The following PRKG1 variants were observed in gnomAD, a reference collection of about 807,000 sequenced individuals.
PRKG1 encodes cGMP-dependent protein kinase 1.
Under a neutral mutation model 88.1 loss-of-function variants are expected in PRKG1, and 35 were observed. The observed-to-expected ratio is 0.40, with a 90% CI of 0.30 to 0.53. The LOEUF is 0.53. PRKG1 is among the 20% of genes least tolerant of loss of function. The pLI is 0.59. For missense variants in PRKG1, 540 were observed against 839.8 expected (o/e 0.64, Z 4.41); for synonymous variants, 303 against 292.5 (o/e 1.04, Z -0.37).
chr10:52,151,655 A>G (rs1301197809), intron 8 of PRKG1, among the ~76,000 whole-genome samples: 2 of 152,204 alleles, frequency 1.3e-5, no homozygotes, highest in Non-Finnish European at 2.9e-5. Flanking sequence ...TCCAGCCACA[A>G]AAAGTATGTC....
chr10:52,205,952 T>C (rs1839809623), intron 9 of PRKG1, among the ~76,000 whole-genome samples: 1 of 152,206 alleles, frequency 6.6e-6, no homozygotes, highest in Admixed American at 6.5e-5. Flanking sequence ...TGAATTTGAA[T>C]GTTGACCTCT....
At chr10:51,685,365 A>G (rs1047068956) in intron 3 of PRKG1, among the ~76,000 whole-genome samples, 2 of 152,208 alleles carry the variant, frequency 1.3e-5, no homozygotes, top group African/African-American at 2.4e-5. Flanking sequence ...TAGGTTCTCA[A>G]TACATGCTGT....
intron 4 of PRKG1, among the ~76,000 whole-genome samples, chr10:51,866,656 T>C (rs1841021773): frequency 6.6e-6 from 1 of 152,168 alleles, no homozygotes; most frequent in East Asian, 1.9e-4. Flanking sequence ...TACACTAATT[T>C]AAAACATCTT....
chr10:51,773,006 T>C (rs1838344520), intron 3 of PRKG1, among the ~76,000 whole-genome samples: 1 of 152,058 alleles, frequency 6.6e-6, no homozygotes, highest in Non-Finnish European at 1.5e-5. Context: ...TAGTAAAAAT[T>C]ATCTTTTCAA....
chr10:51,063,930 A>G (rs1843720374), intron 1 of PRKG1, among the ~76,000 whole-genome samples: 1 of 152,114 alleles, frequency 6.6e-6, no homozygotes, highest in Non-Finnish European at 1.5e-5. Flanking sequence ...AATTTGAAGA[A>G]TGTACTGTTT....
At chr10:52,272,618 C>A in intron 12 of PRKG1, 137 bp downstream of exon 12, 1 of 684,150 alleles carries the variant, frequency 1.5e-6, no homozygotes, top group Non-Finnish European at 2.5e-6. Context: ...TTAAAGTAAG[C>A]ACAGGGCATA....
At chr10:51,503,782 G>A (rs1225564182) in intron 3 of PRKG1, among the ~76,000 whole-genome samples, 2 of 151,958 alleles carry the variant, frequency 1.3e-5, no homozygotes, top group Non-Finnish European at 2.9e-5. Flanking sequence ...CAGTGTTCAT[G>A]GTAAAATAGT....
chr10:52,124,479 C>T lies in PRKG1; in HGVS notation c.936-9361C>T, dbSNP rs1247995677. ...TGGTACACCCAAATAGGGCACTTAC[C>T]ATGAATGAATCTTGCAGGACTATAA... On this transcript the variant is annotated intron_variant, in intron 7 of 17. Coordinates refer to ENST00000373980, the MANE Select transcript of PRKG1 (RefSeq NM_006258.4). Among the ~76,000 whole-genome samples, 3 of 152,104 alleles carry T rather than the reference C, an allele frequency of 2.0e-5. No homozygotes were observed. The South Asian group carries it at 6.2e-4, about 32-fold the overall frequency.
chr10:51,099,752 G>T (rs1268686692), intron 1 of PRKG1, among the ~76,000 whole-genome samples: 2 of 152,122 alleles, frequency 1.3e-5, no homozygotes, highest in African/African-American at 4.8e-5. Flanking sequence ...CTTCTCCCTG[G>T]AAATGTGTAG....
intron 3 of PRKG1, among the ~76,000 whole-genome samples, chr10:51,674,363 T>C (rs1840658538): frequency 6.6e-6 from 1 of 152,112 alleles, no homozygotes. Flanking sequence ...GTGTGTGATG[T>C]TCCCCTCCCT....
intron 5 of PRKG1, among the ~76,000 whole-genome samples, chr10:51,930,178 A>G (rs1421507620): frequency 1.3e-5 from 2 of 152,188 alleles, no homozygotes; most frequent in African/African-American, 4.8e-5. Flanking sequence ...TGAGGCATTT[A>G]GAATAGTTAA....
intron 3 of PRKG1, among the ~76,000 whole-genome samples, chr10:51,569,869 G>A (rs534639689): frequency 1.1e-4 from 17 of 151,960 alleles, no homozygotes; most frequent in African/African-American, 4.1e-4. Flanking sequence ...CAGGTGCATG[G>A]TAGGCCGGTT....
intron 3 of PRKG1, among the ~76,000 whole-genome samples, chr10:51,594,962 T>G (rs931432707): frequency 6.6e-6 from 1 of 152,148 alleles, no homozygotes; most frequent in African/African-American, 2.4e-5. Flanking sequence ...ATATTAAGGG[T>G]CTTTCAGTTT....
Position 52,297,408 on chromosome 10 carries a change from A to G in PRKG1, c.*3508A>G, listed in dbSNP as rs764329294. The G allele has an allele frequency of 1.3e-5, 2 of 152,156 alleles. No homozygotes were observed. The highest frequency in any genetic ancestry group is 2.4e-5 in the African/African-American group (1 of 41,458). 9.4% of individuals were successfully genotyped at this position (152,156 alleles called of 1,614,324 possible). On this transcript the variant is annotated 3_prime_UTR_variant, in exon 18 of 18. Coordinates refer to ENST00000373980, the MANE Select transcript of PRKG1 (RefSeq NM_006258.4). ...AAAAACAAATTTGGTGTTATGCTGCATGACAAAGACAAACACACCTCAAAA... is the reference window on the plus strand; with the variant it reads ...AAAAACAAATTTGGTGTTATGCTGCGTGACAAAGACAAACACACCTCAAAA...
At chr10:52,016,582 G>A (rs990911282) in intron 5 of PRKG1, among the ~76,000 whole-genome samples, 4 of 152,154 alleles carry the variant, frequency 2.6e-5, no homozygotes, top group African/African-American at 7.2e-5. Context: ...GTGGTTATTG[G>A]GGAAACAGCT....
intron 4 of PRKG1, among the ~76,000 whole-genome samples, chr10:51,824,398 T>C (rs1022062765): frequency 7.1e-6 from 1 of 140,130 alleles, no homozygotes; most frequent in African/African-American, 3.2e-5. Flanking sequence ...AATTTTGTTA[T>C]TTTAACTTTT....
At chr10:51,211,067 T>C (rs932077364) in intron 2 of PRKG1, among the ~76,000 whole-genome samples, 2 of 152,178 alleles carry the variant, frequency 1.3e-5, no homozygotes, top group African/African-American at 4.8e-5. Flanking sequence ...AAATCCTCAA[T>C]AAAATACTGG....
At chr10:52,248,368 G>A (rs1211306333) in intron 9 of PRKG1, among the ~76,000 whole-genome samples, 1 of 152,162 alleles carries the variant, frequency 6.6e-6, no homozygotes, top group Admixed American at 6.5e-5. Context: ...GAGTGGAAAA[G>A]ATAAACAGTT....
intron 2 of PRKG1, among the ~76,000 whole-genome samples, chr10:51,203,254 T>C (rs1032064429): frequency 6.6e-6 from 1 of 152,198 alleles, no homozygotes; most frequent in Non-Finnish European, 1.5e-5. Context: ...TTTTCAAACA[T>C]TGGTGACAAT....
Sources: allele counts gnomAD v4.1 joint callset (sites outside exome capture counted in the v4.1 genomes callset), GRCh38; gene constraint gnomAD v4.1.1; transcripts MANE v1.5; gene names NCBI Gene and HGNC (gene_info 2026-07-23, HGNC 2026-07-21).